Variants in MTHFD2L observed in about 807,000 individuals in gnomAD.
MTHFD2L encodes the protein bifunctional methylenetetrahydrofolate dehydrogenase/cyclohydrolase 2, mitochondrial.
MTHFD2L carries 29 observed loss-of-function variants against 34.9 expected under a neutral mutation model. The ratio of observed to expected loss-of-function variants is 0.83; its 90% CI spans 0.62 to 1.13. MTHFD2L has a LOEUF of 1.13. MTHFD2L is among the 50% of genes most tolerant of loss of function. The probability of loss-of-function intolerance (pLI) is 0.00; values close to 1 mark genes in which losing one functional copy is unlikely to be tolerated. For missense variants in MTHFD2L, 481 were observed against 446.5 expected (o/e 1.08, Z -0.70); for synonymous variants, 167 against 155.7 (o/e 1.07, Z -0.54).
intron 6 of MTHFD2L, among the ~76,000 whole-genome samples, chr4:74,248,371 T>G (rs1742797580): frequency 6.6e-6 from 1 of 152,224 alleles, no homozygotes; most frequent in Admixed American, 6.5e-5. Context: ...TCTTCTCTCT[T>G]TTATTCTTTA....
chr4:74,138,819 C>T (rs1448678898), intron 1 of MTHFD2L, among the ~76,000 whole-genome samples: 1 of 152,154 alleles, frequency 6.6e-6, no homozygotes, highest in African/African-American at 2.4e-5. Context: ...AGCGGGTTGC[C>T]GCTCCCTGCT....
At chr4:74,208,875 G>A (rs565128887) in intron 5 of MTHFD2L, among the ~76,000 whole-genome samples, 2 of 152,250 alleles carry the variant, frequency 1.3e-5, no homozygotes, top group South Asian at 4.1e-4. Flanking sequence ...ATTAGAATAA[G>A]GATTGTGATA....
intron 6 of MTHFD2L, among the ~76,000 whole-genome samples, chr4:74,260,656 TGAA>T (rs1464105944): frequency 5.9e-5 from 9 of 151,824 alleles, no homozygotes; most frequent in East Asian, 5.8e-4. Flanking sequence ...TCATGAGAAG[TGAA>T]GAAGGAGGAG....
At position 74,142,113 on chromosome 4, in the gene MTHFD2L, A is replaced by T. The variant is rs1723306708; in HGVS notation, c.-297+16596A>T. Among the ~76,000 whole-genome samples the T allele has an allele frequency of 2.0e-5, 3 of 152,196 alleles. No homozygotes were observed. In the South Asian group the frequency reaches 6.2e-4, roughly 32 times the overall value. ...CTCACCGTAATATCCCAAAAGGCTGAACTGGGTGAGGAAGTGAGGTCATTG... is the reference window on the plus strand; with the variant it reads ...CTCACCGTAATATCCCAAAAGGCTGTACTGGGTGAGGAAGTGAGGTCATTG... On this transcript the variant is annotated intron_variant, in intron 1 of 7. Transcript: ENST00000433372.
intron 1 of MTHFD2L, among the ~76,000 whole-genome samples, chr4:74,137,024 A>AACT (rs1722982056): frequency 6.6e-6 from 1 of 152,186 alleles, no homozygotes; most frequent in Non-Finnish European, 1.5e-5. Context: ...ACTAGAATAA[A>AACT]ACTCTGAGGA....
rs1745885188 is a variant in MTHFD2L at position 74,270,839 on chromosome 4, C to T, written c.806-10586C>T. 2.0e-5 allele frequency among the ~76,000 whole-genome samples: 3 copies of T among 152,056 alleles called. No individual in the cohort carries two copies. The South Asian group carries it at 6.2e-4, about 32-fold the overall frequency. On this transcript the variant is annotated intron_variant, in intron 6 of 7. Transcript: ENST00000325278. ...ACATCCTCTCCAGCACCTGTTGTTT[C>T]CTGACTTTTTAATGATTGCCATTCT...
intron 7 of MTHFD2L, among the ~76,000 whole-genome samples, chr4:74,287,567 T>C (rs1440017787): frequency 6.6e-6 from 1 of 152,062 alleles, no homozygotes; most frequent in African/African-American, 2.4e-5. Flanking sequence ...GCCAATGTGG[T>C]GAAACCCCGT....
At chr4:74,300,725 C>T (rs1196601681) in intron 7 of MTHFD2L, among the ~76,000 whole-genome samples, 1 of 152,024 alleles carries the variant, frequency 6.6e-6, no homozygotes. Context: ...CTGCCATTTT[C>T]TTTAAGTATA....
intron 1 of MTHFD2L, among the ~76,000 whole-genome samples, chr4:74,131,651 A>G (rs1722512317): frequency 6.6e-6 from 1 of 152,232 alleles, no homozygotes; most frequent in Admixed American, 6.5e-5. Context: ...CCTAGGCAGT[A>G]CCATTCAGGA....
At chr4:74,210,058 T>A (rs1736033242) in intron 5 of MTHFD2L, among the ~76,000 whole-genome samples, 1 of 152,212 alleles carries the variant, frequency 6.6e-6, no homozygotes, top group Non-Finnish European at 1.5e-5. Flanking sequence ...TTCTTTCTTT[T>A]AAATTTAAGT....
At chr4:74,201,407 G>A in intron 5 of MTHFD2L, 37 bp downstream of exon 5, 1 of 1,449,068 alleles carries the variant, frequency 6.9e-7, no homozygotes, top group Non-Finnish European at 9.6e-7. Flanking sequence ...CTCTCTCGCA[G>A]TATTCTTACT....
chr4:74,126,123 AGTGTACT>A (rs1379636365), intron 1 of MTHFD2L, among the ~76,000 whole-genome samples: 2 of 152,190 alleles, frequency 1.3e-5, no homozygotes, highest in African/African-American at 4.8e-5. Flanking sequence ...CCACTAAAGC[AGTGTACT>A]GTAAGTCCTC....
upstream of MTHFD2L, among the ~76,000 whole-genome samples, chr4:74,124,089 G>T (rs116634770): frequency 0.013 from 1,990 of 151,828 alleles, 53 homozygotes; most frequent in African/African-American, 0.045. Flanking sequence ...TGTTAAAATT[G>T]AACTAGGTAA....
At chr4:74,142,518 G>C (rs1029099035) in intron 1 of MTHFD2L, among the ~76,000 whole-genome samples, 2 of 152,202 alleles carry the variant, frequency 1.3e-5, no homozygotes, top group Non-Finnish European at 2.9e-5. Flanking sequence ...CCTGACTTCA[G>C]ATTTTCAGCC....
At chr4:74,167,706 A>G (rs543062280) in intron 1 of MTHFD2L, among the ~76,000 whole-genome samples, 10 of 152,268 alleles carry the variant, frequency 6.6e-5, no homozygotes, top group African/African-American at 2.4e-4. Flanking sequence ...ATATCTGAAG[A>G]TCTGGAGAGA....
chr4:74,180,658 G>C (rs1006817650), intron 3 of MTHFD2L: 6 of 448,958 alleles, frequency 1.3e-5, no homozygotes, highest in Non-Finnish European at 2.3e-5. Flanking sequence ...TACTGGGACT[G>C]TCACAAGCTA....
upstream of MTHFD2L, among the ~76,000 whole-genome samples, chr4:74,153,553 A>C (rs1183770730): frequency 6.6e-6 from 1 of 152,244 alleles, no homozygotes; most frequent in Non-Finnish European, 1.5e-5. Context: ...ATATTTGTTG[A>C]GTAGGTATTA....
At chr4:74,173,422 G>A (rs1367738518) in intron 1 of MTHFD2L, among the ~76,000 whole-genome samples, 3 of 152,162 alleles carry the variant, frequency 2.0e-5, no homozygotes, top group African/African-American at 7.2e-5. Flanking sequence ...TGATGCCATT[G>A]CATTGGGAAG....
At chr4:74,300,863 A>G (rs1212136865) in intron 7 of MTHFD2L, among the ~76,000 whole-genome samples, 3 of 152,098 alleles carry the variant, frequency 2.0e-5, no homozygotes, top group Non-Finnish European at 4.4e-5. Flanking sequence ...ACATGCTCAG[A>G]ACACTTACAT....
Sources: allele counts gnomAD v4.1 joint callset (sites outside exome capture counted in the v4.1 genomes callset), GRCh38; gene constraint gnomAD v4.1.1; transcripts MANE v1.5; gene names NCBI Gene and HGNC (gene_info 2026-07-23, HGNC 2026-07-21).